Variants in UPP1 observed in about 807,000 individuals in gnomAD.
UPP1 encodes uridine phosphorylase 1.
Under a neutral mutation model 29.6 loss-of-function variants are expected in UPP1, and 25 were observed. That is an observed-to-expected ratio of 0.85 (90% CI 0.62 to 1.18). The LOEUF (loss-of-function observed/expected upper bound fraction) is 1.18. UPP1 is among the 50% of genes most tolerant of loss of function. UPP1 has a pLI of 0.00. For missense variants in UPP1, 368 were observed against 410.4 expected (o/e 0.90, Z 0.89); for synonymous variants, 165 against 159.8 (o/e 1.03, Z -0.25).
chr7:48,106,041 C>G (rs1792713383), intron 6 of UPP1: 1 of 152,310 alleles, frequency 6.6e-6, no homozygotes, highest in South Asian at 2.1e-4. Flanking sequence ...ATGCATCAAT[C>G]TGAGAGGAAG....
chr7:48,100,442 G>A (rs1792361186), intron 4 of UPP1, among the ~76,000 whole-genome samples: 6 of 152,148 alleles, frequency 3.9e-5, no homozygotes. Flanking sequence ...GGGAAGCAAA[G>A]GATAGTAAAT....
intron 4 of UPP1, among the ~76,000 whole-genome samples, chr7:48,100,954 T>A (rs1792387209): frequency 6.6e-6 from 1 of 152,144 alleles, no homozygotes; most frequent in African/African-American, 2.4e-5. Flanking sequence ...CTGCCCAGGC[T>A]GGATTACAGT....
At chr7:48,103,507 G>C (rs371296916) in intron 6 of UPP1, 96 bp downstream of exon 6, 3 of 1,136,514 alleles carry the variant, frequency 2.6e-6, no homozygotes, top group Non-Finnish European at 4.0e-6. Flanking sequence ...GAGACAAAGA[G>C]TTCCTTTCTT....
At chr7:48,100,184 A>T (rs1455185129) in intron 4 of UPP1, among the ~76,000 whole-genome samples, 1 of 152,204 alleles carries the variant, frequency 6.6e-6, no homozygotes, top group Admixed American at 6.5e-5. Flanking sequence ...ATAGCATGTG[A>T]GTGTCCTGAA....
intron 4 of UPP1, among the ~76,000 whole-genome samples, chr7:48,100,179 A>G (rs1035045879): frequency 2.0e-5 from 3 of 152,188 alleles, no homozygotes; most frequent in Non-Finnish European, 4.4e-5. Context: ...CCTCTATAGC[A>G]TGTGAGTGTC....
At chr7:48,094,721 T>C in intron 2 of UPP1, 42 bp from the exon 3 acceptor site, 1 of 1,596,228 alleles carries the variant, frequency 6.3e-7, no homozygotes, top group East Asian at 2.2e-5. Flanking sequence ...TCTTGGTTTC[T>C]ACTGAGTGGA....
In UPP1 at chr7:48,108,352, G is replaced by T. The variant is rs1792888953; in HGVS notation, c.928G>T (p.Ala310Ser). The part of the protein sequence containing the change: ...SYFIKKKLSK[A>S] ...CTTCATCAAGAAGAAACTGAGCAAG[G>T]CCTGAGCGCTGCCCTGCACCTCCGC... Residue 310 changes from alanine (A) to serine (S), a missense_variant, in exon 9 of 9, where the codon GCC becomes TCC. Ala to Ser is a moderately conservative substitution (Grantham distance 99, BLOSUM62 1). Coordinates refer to ENST00000395564, the MANE Select transcript of UPP1 (RefSeq NM_003364.4). The T allele has an allele frequency of 6.2e-7, 1 of 1,613,256 alleles. No homozygotes were observed.
intron 5 of UPP1, among the ~76,000 whole-genome samples, chr7:48,102,532 C>G (rs986047863): frequency 6.6e-6 from 1 of 152,170 alleles, no homozygotes; most frequent in African/African-American, 2.4e-5. Flanking sequence ...GCACCCCTAC[C>G]TCTCCAGTCA....
chr7:48,098,996 G>A (rs1289095280), intron 3 of UPP1, among the ~76,000 whole-genome samples: 2 of 152,166 alleles, frequency 1.3e-5, no homozygotes, highest in East Asian at 3.8e-4. Flanking sequence ...CGGTGGACTT[G>A]AGAAGTAGCA....
At chr7:48,093,202 CCA>C (rs2128808692) in intron 2 of UPP1, among the ~76,000 whole-genome samples, 1 of 152,318 alleles carries the variant, frequency 6.6e-6, no homozygotes, top group African/African-American at 2.4e-5. Context: ...ACATTTTTCT[CCA>C]CACCTAACAA....
chr7:48,094,551 CA>C (rs999505806), intron 2 of UPP1, among the ~76,000 whole-genome samples: 1 of 152,204 alleles, frequency 6.6e-6, no homozygotes, highest in African/African-American at 2.4e-5. Context: ...GGCACATTTT[CA>C]GCACCTCCTC....
At chr7:48,089,137 G>C (rs967043303), upstream of UPP1, 2 of 152,014 alleles carry the variant, frequency 1.3e-5, no homozygotes, top group Non-Finnish European at 2.9e-5. Context: ...TCTGCGGGAT[G>C]GCCCAGGATG....
At chr7:48,104,263 G>A (rs749791823) in intron 6 of UPP1, among the ~76,000 whole-genome samples, 1 of 152,062 alleles carries the variant, frequency 6.6e-6, no homozygotes, top group Non-Finnish European at 1.5e-5. Flanking sequence ...CACAAACATG[G>A]CAAAGAAAGA....
chr7:48,093,340 G>A (rs1460081641), intron 2 of UPP1, among the ~76,000 whole-genome samples: 2 of 152,198 alleles, frequency 1.3e-5, no homozygotes, highest in Non-Finnish European at 2.9e-5. Context: ...GCTGAGTTAC[G>A]AAGGTGAGAA....
At chr7:48,093,115 T>C (rs191385429) in intron 2 of UPP1, among the ~76,000 whole-genome samples, 1 of 152,238 alleles carries the variant, frequency 6.6e-6, no homozygotes, top group Admixed American at 6.5e-5. Flanking sequence ...TAGGCTGGGA[T>C]TTCCAAAGAA....
At position 48,098,959 on chromosome 7, in the gene UPP1, C is replaced by CTA. The variant is rs780522115; in HGVS notation, c.45-709_45-708dup. 1.8e-4 allele frequency among the ~76,000 whole-genome samples: 28 copies of CTA among 152,164 alleles called. No individual in the cohort carries two copies. The South Asian group carries it at 2.1e-3, about 11-fold the overall frequency. On this transcript the variant is annotated intron_variant, in intron 3 of 8. Coordinates refer to ENST00000395564, the MANE Select transcript of UPP1 (RefSeq NM_003364.4). The stretch of plus-strand genomic sequence containing the variant: ...ACAGACACACTCACTCATTTGTGTG[C>CTA]TATCTGTAGTTGCTTTCACATGTCT...
rs552714519 is a variant in UPP1, at chr7:48,104,381, T to C, written c.436+970T>C. Among the ~76,000 whole-genome samples the C allele has an allele frequency of 7.9e-5, 12 of 152,306 alleles. No homozygotes were observed. In the East Asian group the frequency reaches 1.7e-3, roughly 22 times the overall value. ...TGGTCTTGCTCTCTGGGGTTCCAAC[T>C]CTGTGCCATTCTTTCTGCTAAAAAC... On this transcript the variant is annotated intron_variant, in intron 6 of 8. Coordinates refer to ENST00000395564, the MANE Select transcript of UPP1 (RefSeq NM_003364.4).
chr7:48,092,887 A>G (rs1024276644), intron 2 of UPP1, among the ~76,000 whole-genome samples: 1 of 152,000 alleles, frequency 6.6e-6, no homozygotes, highest in African/African-American at 2.4e-5. Flanking sequence ...CATTTTTAGT[A>G]GAGATGGAGT....
chr7:48,091,043 CCCAAAAA>C (rs1467674292), intron 2 of UPP1, among the ~76,000 whole-genome samples: 2 of 151,980 alleles, frequency 1.3e-5, no homozygotes, highest in Admixed American at 1.3e-4. Context: ...AACAAAAAAA[CCCAAAAA>C]CCAAAAATCA....
Sources: allele counts gnomAD v4.1 joint callset (sites outside exome capture counted in the v4.1 genomes callset), GRCh38; gene constraint gnomAD v4.1.1; transcripts MANE v1.5; gene names NCBI Gene and HGNC (gene_info 2026-07-23, HGNC 2026-07-21).